The following DOCK1 variants were observed in gnomAD, a reference collection of about 807,000 sequenced individuals.
DOCK1 encodes dedicator of cytokinesis protein 1.
In DOCK1, 138 loss-of-function variants were observed where a neutral mutation model predicts 262.7. The observed-to-expected ratio is 0.53, with a 90% confidence interval of 0.46 to 0.61. DOCK1 has a LOEUF of 0.61. DOCK1 is among the 20% of genes least tolerant of loss of function. The pLI is 0.00. For synonymous variants in DOCK1, 866 were observed against 867.4 expected, an observed-to-expected ratio of 1.00 and a Z score of 0.03; for missense variants, 1,908 against 2,370.7, an observed-to-expected ratio of 0.80 and a Z score of 4.05.
intron 27 of DOCK1, among the ~76,000 whole-genome samples, chr10:127,188,099 C>A (rs1165628347): frequency 6.6e-6 from 1 of 152,152 alleles, no homozygotes; most frequent in Non-Finnish European, 1.5e-5. Flanking sequence ...TGAGCCCCTT[C>A]CATTTTTTTC....
intron 25 of DOCK1, among the ~76,000 whole-genome samples, chr10:127,122,899 A>G (rs2088030573): frequency 6.6e-6 from 1 of 152,178 alleles, no homozygotes; most frequent in African/African-American, 2.4e-5. Flanking sequence ...AAATGAGACC[A>G]GCACACTCAA....
chr10:127,047,750 G>A (rs2044445020), intron 21 of DOCK1, among the ~76,000 whole-genome samples: 2 of 152,208 alleles, frequency 1.3e-5, no homozygotes, highest in South Asian at 4.2e-4. Flanking sequence ...TTACACCAGT[G>A]GGGTCATGCA....
intron 30 of DOCK1, among the ~76,000 whole-genome samples, chr10:127,340,987 T>C (rs2063400650): frequency 6.6e-6 from 1 of 152,222 alleles, no homozygotes; most frequent in Admixed American, 6.5e-5. Context: ...TACAGCTATC[T>C]GGTTTCATGT....
chr10:127,137,486 A>G (rs1043291060), intron 27 of DOCK1: 9 of 191,992 alleles, frequency 4.7e-5, no homozygotes, highest in African/African-American at 1.9e-4. Flanking sequence ...ATTATGAGTT[A>G]TAGCTGTGTA....
intron 29 of DOCK1, among the ~76,000 whole-genome samples, chr10:127,287,432 C>G (rs1424958004): frequency 1.3e-5 from 2 of 151,718 alleles, no homozygotes; most frequent in African/African-American, 4.9e-5. Flanking sequence ...TCAAGCGATC[C>G]TCCCACCTCA....
chr10:127,024,874 C>T (rs750442850), intron 15 of DOCK1, 91 bp downstream of exon 15: 25 of 1,148,282 alleles, frequency 2.2e-5, no homozygotes, highest in East Asian at 1.3e-4. Flanking sequence ...CTCCTCAGCC[C>T]GGGAGCTGCT....
intron 27 of DOCK1, among the ~76,000 whole-genome samples, chr10:127,233,836 C>T (rs2058944226): frequency 6.6e-6 from 1 of 152,062 alleles, no homozygotes; most frequent in African/African-American, 2.4e-5. Context: ...TTGAAGGTAC[C>T]ATTCTTCCCT....
At chr10:126,906,349 G>C (rs1459533326) in intron 1 of DOCK1, among the ~76,000 whole-genome samples, 1 of 152,134 alleles carries the variant, frequency 6.6e-6, no homozygotes, top group African/African-American at 2.4e-5. Context: ...GCCCGTCCGC[G>C]TGGGACCCGC....
At chr10:127,117,077 A>G (rs1822541478) in intron 25 of DOCK1, among the ~76,000 whole-genome samples, 1 of 152,204 alleles carries the variant, frequency 6.6e-6, no homozygotes, top group African/African-American at 2.4e-5. Context: ...ATAACACTGC[A>G]GGATTTTAGA....
chr10:127,439,051 A>G lies in DOCK1; in HGVS notation c.5085A>G (p.Pro1695=), dbSNP rs1212028350. Residue 1695 remains proline (P), a synonymous_variant, in exon 49 of 52, where the codon CCA becomes CCG. Coordinates refer to ENST00000623213, the MANE Select transcript of DOCK1 (RefSeq NM_001290223.2). The stretch of plus-strand genomic sequence containing the variant: ...GGTTTGCCCTGGAGCCTCTCCTGCC[A>G]AAGAAAATGCACTCCAGGTCCCAGG... ...SDGFALEPLL[P]KKMHSRSQDK... is the part of the protein sequence containing the mutation. 1 of 1,552,960 alleles carries G rather than the reference A, an allele frequency of 6.4e-7. No individual in the cohort carries two copies. Among genetic ancestry groups the G allele is most frequent in the South Asian group, 1.2e-5 (1 of 84,070 alleles).
chr10:127,314,413 C>T (rs1446608251), intron 29 of DOCK1, among the ~76,000 whole-genome samples: 1 of 152,196 alleles, frequency 6.6e-6, no homozygotes, highest in Non-Finnish European at 1.5e-5. Flanking sequence ...CAGTGCCTGC[C>T]GGCCTCCAGA....
At chr10:127,289,652 T>C (rs1017545667) in intron 29 of DOCK1, among the ~76,000 whole-genome samples, 7 of 152,154 alleles carry the variant, frequency 4.6e-5, no homozygotes, top group Admixed American at 1.3e-4. Context: ...CCTTTGAAAA[T>C]TTATCACATG....
intron 27 of DOCK1, among the ~76,000 whole-genome samples, chr10:127,164,490 C>T (rs2053903975): frequency 6.6e-6 from 1 of 152,134 alleles, no homozygotes; most frequent in East Asian, 1.9e-4. Flanking sequence ...GCCCTGCCTC[C>T]TTGTTTTTGT....
chr10:127,386,182 T>C (rs2066108248), intron 38 of DOCK1, among the ~76,000 whole-genome samples: 2 of 152,178 alleles, frequency 1.3e-5, no homozygotes, highest in Admixed American at 1.3e-4. Context: ...CGATGCGGCA[T>C]CCTTTATTTG....
At chr10:127,154,030 G>T (rs954866623) in intron 27 of DOCK1, 3 of 777,348 alleles carry the variant, frequency 3.9e-6, no homozygotes, top group African/African-American at 1.7e-5. Context: ...GCTCATCATG[G>T]TCATGGAAAT....
intron 33 of DOCK1, among the ~76,000 whole-genome samples, chr10:127,362,944 C>T (rs1437465202): frequency 6.9e-6 from 1 of 144,516 alleles, no homozygotes; most frequent in African/African-American, 2.7e-5. Context: ...TCCCCCCACA[C>T]ACATACACAT....
intron 29 of DOCK1, among the ~76,000 whole-genome samples, chr10:127,297,970 G>A (rs949810438): frequency 6.6e-6 from 1 of 151,938 alleles, no homozygotes; most frequent in African/African-American, 2.4e-5. Context: ...TTATCTTGAG[G>A]GGAAACAAAC....
chr10:127,068,303 A>G (rs1459843504), intron 23 of DOCK1, among the ~76,000 whole-genome samples: 2 of 152,170 alleles, frequency 1.3e-5, no homozygotes, highest in Non-Finnish European at 2.9e-5. Context: ...ATTTGTACAC[A>G]TAGAACTTTA....
At position 127,315,622 on chromosome 10, in the gene DOCK1, A is replaced by T. The variant is rs142602606; in HGVS notation, c.3045-23384A>T. 6.6e-5 allele frequency among the ~76,000 whole-genome samples: 10 copies of T among 152,308 alleles called. No homozygotes were observed. The East Asian group carries it at 1.4e-3, about 21-fold the overall frequency. ...GCCTTTTGTTAGGGCAGCCCCAACG[A>T]ACTAATACGGAGTCCTATTACCAAT... On this transcript the variant is annotated intron_variant, in intron 29 of 51. Coordinates refer to ENST00000623213, the MANE Select transcript of DOCK1 (RefSeq NM_001290223.2).
Sources: allele counts gnomAD v4.1 joint callset (sites outside exome capture counted in the v4.1 genomes callset), GRCh38; gene constraint gnomAD v4.1.1; transcripts MANE v1.5; gene names NCBI Gene and HGNC (gene_info 2026-07-23, HGNC 2026-07-21).